Variants in SYTL5 observed in about 807,000 individuals in gnomAD.
SYTL5 encodes synaptotagmin like 5, also known as synaptotagmin-like protein 5.
In SYTL5, 34 loss-of-function variants were observed where a neutral mutation model predicts 55.9. The ratio of observed to expected loss-of-function variants is 0.61; its 90% CI spans 0.46 to 0.81. The LOEUF (loss-of-function observed/expected upper bound fraction) is 0.81. Among genes scored for constraint, SYTL5 ranks in the 30% least tolerant of loss-of-function variants. The probability of loss-of-function intolerance (pLI) is 0.00; values close to 1 mark genes in which losing one functional copy is unlikely to be tolerated. For synonymous variants in SYTL5, 221 were observed against 188.7 expected, an observed-to-expected ratio of 1.17 and a Z score of -1.40; for missense variants, 637 against 546.7, an observed-to-expected ratio of 1.17 and a Z score of -1.65.
At chrX:38,037,172 G>A (rs757929252) in intron 2 of SYTL5, among the ~76,000 whole-genome samples, 7 of 111,945 alleles carry the variant, frequency 6.3e-5, no homozygotes, top group Non-Finnish European at 1.1e-4. Context: ...AATGGTTGAC[G>A]GGTACAGAAA....
At chrX:38,045,072 T>A (rs1407861942) in intron 2 of SYTL5, among the ~76,000 whole-genome samples, 2 of 111,819 alleles carry the variant, frequency 1.8e-5, no homozygotes, top group East Asian at 5.6e-4. Context: ...ATGATTTGTG[T>A]GCAAGTGATT....
At chrX:38,090,612 T>G (rs1233160971) in intron 7 of SYTL5, among the ~76,000 whole-genome samples, 2 of 112,202 alleles carry the variant, frequency 1.8e-5, no homozygotes, top group Non-Finnish European at 3.8e-5. Flanking sequence ...CAAACAATTA[T>G]TTGACTCAAC....
At chrX:37,987,767 A>G in the SYTL5 span, among the ~76,000 whole-genome samples, 4 of 112,269 alleles carry the variant, frequency 3.6e-5, no homozygotes, top group African/African-American at 1.3e-4. Context: ...GAGACCTTTC[A>G]TTAGGTCATC....
At chrX:38,038,275 C>A (rs1935172911) in intron 2 of SYTL5, among the ~76,000 whole-genome samples, 1 of 111,809 alleles carries the variant, frequency 8.9e-6, no homozygotes, top group South Asian at 3.8e-4. Context: ...CTGGCTATAG[C>A]CCCCGTTCCC....
chrX:37,999,506 G>A, the SYTL5 span, among the ~76,000 whole-genome samples: 4 of 111,900 alleles, frequency 3.6e-5, no homozygotes, highest in African/African-American at 1.3e-4. Context: ...CCATGGTTGG[G>A]AGTTATTTGC....
At chrX:38,003,863 C>T (rs1933921183), upstream of SYTL5, among the ~76,000 whole-genome samples, 2 of 112,040 alleles carry the variant, frequency 1.8e-5, no homozygotes, top group Non-Finnish European at 3.8e-5. Context: ...TATTGCTTCT[C>T]TTTTGGGTAT....
intron 6 of SYTL5, among the ~76,000 whole-genome samples, chrX:38,081,818 G>A (rs1481483246): frequency 9.0e-6 from 1 of 111,554 alleles, no homozygotes; most frequent in African/African-American, 3.3e-5. Flanking sequence ...GCTGCTTCTA[G>A]GGCACTAACT....
At chrX:37,966,572 G>A in the SYTL5 span, among the ~76,000 whole-genome samples, 1 of 107,704 alleles carries the variant, frequency 9.3e-6, no homozygotes, top group Non-Finnish European at 1.9e-5. Flanking sequence ...TGAGTAGCTG[G>A]AACTACAGAT....
At chrX:37,982,688 G>A in the SYTL5 span, among the ~76,000 whole-genome samples, 2 of 111,570 alleles carry the variant, frequency 1.8e-5, no homozygotes, top group Non-Finnish European at 3.8e-5. Flanking sequence ...TGGGAGAAAA[G>A]CCATATTGGG....
upstream of SYTL5, among the ~76,000 whole-genome samples, chrX:38,005,818 C>T (rs1247730961): frequency 1.8e-5 from 2 of 111,866 alleles, no homozygotes; most frequent in African/African-American, 3.2e-5. Context: ...AGGACACCAC[C>T]TTTGGGGTTC....
rs12848459 is a variant in SYTL5, at chrX:38,128,718, T to A, written c.*1988T>A. ...AGGTACTTAAAAGAAAATCTGCACA[T>A]ATCCTTGTGCTGCCCTTCTTAAAAA... On this transcript the variant is annotated 3_prime_UTR_variant, in exon 17 of 17. Coordinates refer to ENST00000297875, the MANE Select transcript of SYTL5 (RefSeq NM_138780.3). 10 of 111,670 alleles carry A rather than the reference T, an allele frequency of 9.0e-5. No homozygotes were observed. The highest frequency in any genetic ancestry group is 1.9e-5 in the Non-Finnish European group (1 of 53,116). 9.2% of individuals were successfully genotyped at this position (111,670 alleles called of 1,213,427 possible). A position where few individuals can be genotyped will look rare whatever the true frequency, so the allele number is the denominator to read the frequency against.
At chrX:38,079,623 T>C (rs1198568577) in intron 6 of SYTL5, among the ~76,000 whole-genome samples, 1 of 112,039 alleles carries the variant, frequency 8.9e-6, no homozygotes, top group Non-Finnish European at 1.9e-5. Context: ...TAGACAAGGA[T>C]TTATAAGCAA....
chrX:37,988,196 A>G, the SYTL5 span, among the ~76,000 whole-genome samples: 2 of 111,640 alleles, frequency 1.8e-5, no homozygotes, highest in African/African-American at 6.5e-5. Flanking sequence ...ACTGAAGAAA[A>G]ATGCTATGCT....
intron 3 of SYTL5, among the ~76,000 whole-genome samples, chrX:38,062,316 T>C (rs188950773): frequency 3.0e-4 from 34 of 112,212 alleles, no homozygotes; most frequent in Non-Finnish European, 4.7e-4. Flanking sequence ...AGATCTTATA[T>C]TCATGCTATG....
At chrX:37,897,726 A>G in the SYTL5 span, among the ~76,000 whole-genome samples, 2 of 111,502 alleles carry the variant, frequency 1.8e-5, no homozygotes, top group African/African-American at 3.3e-5. Context: ...CATAAGTACT[A>G]TAAACTGGGT....
the SYTL5 span, among the ~76,000 whole-genome samples, chrX:37,938,621 C>G: frequency 3.6e-5 from 4 of 111,300 alleles, no homozygotes; most frequent in Non-Finnish European, 7.5e-5. Context: ...CTCTCTGTCT[C>G]TCTTTCTCTC....
chrX:37,942,505 C>A, the SYTL5 span, among the ~76,000 whole-genome samples: 1 of 111,584 alleles, frequency 9.0e-6, no homozygotes, highest in African/African-American at 3.3e-5. Flanking sequence ...ACCCCCTTAT[C>A]TCTAAGAACT....
chrX:38,029,021 A>G (rs1934870422), intron 1 of SYTL5, among the ~76,000 whole-genome samples: 1 of 112,291 alleles, frequency 8.9e-6, no homozygotes, highest in African/African-American at 3.2e-5. Context: ...TTATAGATAC[A>G]TCTAACCAAT....
chrX:38,102,552 T>C, intron 10 of SYTL5, 118 bp downstream of exon 10: 2 of 521,362 alleles, frequency 3.8e-6, no homozygotes, highest in Non-Finnish European at 6.6e-6. Flanking sequence ...TTAAAAGTCA[T>C]TGTAAGATCC....
Sources: gnomAD v4.1 joint callset for allele counts (sites outside exome capture counted in the v4.1 genomes callset) on GRCh38, gnomAD v4.1.1 for gene constraint, MANE v1.5 for transcripts, NCBI Gene and HGNC (gene_info 2026-07-23, HGNC 2026-07-21) for gene names.